Variants in PPP2R5C observed in about 807,000 individuals in gnomAD.
PPP2R5C encodes the protein serine/threonine-protein phosphatase 2A 56 kDa regulatory subunit gamma isoform.
A neutral mutation model predicts 68.9 loss-of-function variants in PPP2R5C; 7 were observed. The ratio of observed to expected loss-of-function variants is 0.10; its 90% CI spans 0.06 to 0.19. The LOEUF (loss-of-function observed/expected upper bound fraction) is 0.19. Among genes scored for constraint, PPP2R5C ranks in the 10% least tolerant of loss-of-function variants. The pLI is 1.00. For missense variants in PPP2R5C, 348 were observed against 641.3 expected, an observed-to-expected ratio of 0.54 and a Z score of 4.94; for synonymous variants, 210 against 222.2, an observed-to-expected ratio of 0.95 and a Z score of 0.49.
At chr14:101,918,675 C>A (rs1313185177) in intron 13 of PPP2R5C, among the ~76,000 whole-genome samples, 1 of 79,086 alleles carries the variant, frequency 1.3e-5, no homozygotes, top group Non-Finnish European at 2.5e-5. Flanking sequence ...CTCCCGGGCA[C>A]TGTCTTTCAG....
chr14:101,785,579 G>A (rs551992763), intron 2 of PPP2R5C, among the ~76,000 whole-genome samples: 50 of 152,154 alleles, frequency 3.3e-4, no homozygotes, highest in South Asian at 8.3e-4. Flanking sequence ...CCTCCCTCTT[G>A]TAATGACCTG....
intron 13 of PPP2R5C, among the ~76,000 whole-genome samples, chr14:101,918,722 G>C (rs372907030): frequency 7.9e-6 from 1 of 126,984 alleles, no homozygotes; most frequent in East Asian, 2.3e-4. Flanking sequence ...GAGAGCCTCC[G>C]ACCACTGTTA....
intron 2 of PPP2R5C, among the ~76,000 whole-genome samples, chr14:101,876,239 G>A (rs868775506): frequency 6.6e-6 from 1 of 152,176 alleles, no homozygotes; most frequent in Non-Finnish European, 1.5e-5. Flanking sequence ...TTCCATCACA[G>A]GAGGAAGTGT....
chr14:101,761,843 G>C, upstream of PPP2R5C: 6 of 1,025,486 alleles, frequency 5.9e-6, no homozygotes, highest in Non-Finnish European at 7.1e-6. Flanking sequence ...CTGCTGCTGC[G>C]GGGGCAGGCG....
chr14:101,860,503 C>T (rs143997760), intron 2 of PPP2R5C, among the ~76,000 whole-genome samples: 82 of 152,228 alleles, frequency 5.4e-4, no homozygotes, highest in African/African-American at 1.3e-3. Flanking sequence ...AACATTGATA[C>T]GCAAGCTTTT....
chr14:101,767,759 G>T (rs2036933044), intron 2 of PPP2R5C, among the ~76,000 whole-genome samples: 1 of 152,184 alleles, frequency 6.6e-6, no homozygotes, highest in Admixed American at 6.5e-5. Flanking sequence ...GAGCCCAGGG[G>T]CATCAGAAAG....
rs1387954792 is a variant in PPP2R5C, at chr14:101,797,603, G to A, written c.259+11420G>A. ...TCCCTCCACCTCGGATTTCCTCTTG[G>A]AAAATGAGGCTCCTGACTCACTTGA... On this transcript the variant is annotated intron_variant, in intron 3 of 14. Coordinates refer to the PPP2R5C transcript ENST00000328724. This position sits in a 1 kb window ranked among gnomAD's most constrained non-coding sequence, Gnocchi z 4.2. 8.4e-6 allele frequency: 2 copies of A among 238,370 alleles called. No homozygotes were observed. The highest frequency in any genetic ancestry group is 4.5e-5 in the African/African-American group (2 of 44,328). The allele number at this position is 238,370 out of a possible 1,614,324, so 14.8% of individuals were successfully genotyped here. A position where few individuals can be genotyped will look rare whatever the true frequency, so the allele number is the denominator to read the frequency against.
chr14:101,926,251 C>A (rs1460618649), exon 14 of PPP2R5C: 1 of 152,418 alleles, frequency 6.6e-6, no homozygotes, highest in Non-Finnish European at 1.5e-5. Context: ...AACAGCATTG[C>A]ACGGGGCCGG....
At chr14:101,764,207 T>G (rs2036733688) in intron 2 of PPP2R5C, among the ~76,000 whole-genome samples, 1 of 152,320 alleles carries the variant, frequency 6.6e-6, no homozygotes, top group South Asian at 2.1e-4. Context: ...TTCCTTTGCC[T>G]TTTCTTCCTT....
At chr14:101,792,859 C>T (rs370502321) in intron 3 of PPP2R5C, among the ~76,000 whole-genome samples, 2 of 150,336 alleles carry the variant, frequency 1.3e-5, no homozygotes, top group African/African-American at 4.9e-5. Context: ...CTTCCCCAGA[C>T]TTCAAATCAG....
chr14:101,766,850 T>C (rs1041414098), intron 2 of PPP2R5C: 7 of 152,232 alleles, frequency 4.6e-5, no homozygotes, highest in African/African-American at 1.7e-4. Flanking sequence ...ACTAGGCACA[T>C]TTTATGATTA....
At chr14:101,925,957 A>G (rs1333645751) in exon 14 of PPP2R5C, 1 of 152,618 alleles carries the variant, frequency 6.6e-6, no homozygotes, top group Non-Finnish European at 1.5e-5. Flanking sequence ...AGCCTGTAGA[A>G]GAGATTTATT....
intron 1 of PPP2R5C, chr14:101,836,139 C>T: frequency 1.5e-6 from 1 of 678,446 alleles, no homozygotes; most frequent in Non-Finnish European, 2.7e-6. Context: ...CTGAGATTTC[C>T]TAGCAGCTGA....
At chr14:101,921,593 G>A (rs1327906367) in intron 13 of PPP2R5C, among the ~76,000 whole-genome samples, 1 of 151,494 alleles carries the variant, frequency 6.6e-6, no homozygotes. Context: ...ATTGACGTAA[G>A]AAATGATAGC....
At chr14:101,817,767 G>T (rs181461945) in intron 1 of PPP2R5C, among the ~76,000 whole-genome samples, 56 of 140,170 alleles carry the variant, frequency 4.0e-4, no homozygotes, top group African/African-American at 1.4e-3. Flanking sequence ...GAAATGGAAC[G>T]TGAAATGGGA....
chr14:101,870,119 G>A (rs2043311099), intron 2 of PPP2R5C, among the ~76,000 whole-genome samples: 1 of 133,404 alleles, frequency 7.5e-6, no homozygotes, highest in Non-Finnish European at 1.5e-5. Flanking sequence ...TTTTTTGCGA[G>A]ATACATGATT....
chr14:101,789,020 T>C (rs2038244398), intron 3 of PPP2R5C, among the ~76,000 whole-genome samples: 1 of 152,220 alleles, frequency 6.6e-6, no homozygotes. Context: ...TAATTGGTTT[T>C]TGTTAATCTC....
intron 2 of PPP2R5C, among the ~76,000 whole-genome samples, chr14:101,880,561 C>T (rs1267696936): frequency 1.3e-5 from 2 of 152,028 alleles, no homozygotes; most frequent in Non-Finnish European, 2.9e-5. Flanking sequence ...TTTGGGAGGC[C>T]GAGGCAGGAG....
At position 101,906,099 on chromosome 14, in the gene PPP2R5C, G is replaced by C. The variant is rs1227991594; in HGVS notation, c.1024-303G>C. Among the ~76,000 whole-genome samples, 1 of 152,200 alleles carries C rather than the reference G, an allele frequency of 6.6e-6. No individual in the cohort carries two copies. Among genetic ancestry groups the C allele is most frequent in the East Asian group, 1.9e-4 (1 of 5,202 alleles). ...GATGGGGGAGGCGGGTGGATAGGTG[G>C]AATGGCCTCCTTTGAGTTGTCTCCT... On this transcript the variant is annotated intron_variant, in intron 9 of 13. Transcript: ENST00000334743. This position sits in a 1 kb window ranked among gnomAD's most constrained non-coding sequence, Gnocchi z 4.0.
Sources: allele counts gnomAD v4.1 joint callset (sites outside exome capture counted in the v4.1 genomes callset), GRCh38; gene constraint gnomAD v4.1.1; non-coding constraint Gnocchi (gnomAD v3.1); transcripts MANE v1.5; gene names NCBI Gene and HGNC (gene_info 2026-07-23, HGNC 2026-07-21).